The following POT1 variants were observed in gnomAD, a reference collection of about 807,000 sequenced individuals.
The protein encoded by POT1 is protection of telomeres 1.
Under a neutral mutation model 78.5 loss-of-function variants are expected in POT1, and 47 were observed. That is an observed-to-expected ratio of 0.60 (90% CI 0.47 to 0.76). POT1 has a LOEUF of 0.76. POT1 is among the 30% of genes least tolerant of loss of function. The pLI is 0.00. For missense variants in POT1, 646 were observed against 749.9 expected, an observed-to-expected ratio of 0.86 and a Z score of 1.62; for synonymous variants, 259 against 260.7, an observed-to-expected ratio of 0.99 and a Z score of 0.06.
chr7:124,827,163 T>G, intron 17 of POT1, 51 bp downstream of exon 17: 1 of 1,112,744 alleles, frequency 9.0e-7, no homozygotes, highest in Non-Finnish European at 1.2e-6. Flanking sequence ...TATTCAATTT[T>G]TTAAATATTA....
chr7:124,826,158 C>G (rs1004174216), intron 17 of POT1, among the ~76,000 whole-genome samples: 2 of 152,134 alleles, frequency 1.3e-5, no homozygotes, highest in African/African-American at 4.8e-5. Context: ...TCAACCATAC[C>G]TACGTGATAG....
chr7:124,886,138 A>G (rs1796238680), intron 6 of POT1, among the ~76,000 whole-genome samples: 1 of 152,190 alleles, frequency 6.6e-6, no homozygotes, highest in Admixed American at 6.5e-5. Flanking sequence ...AAAGATGCCA[A>G]ATTGCTAATT....
chr7:124,825,891 A>G (rs1299332393), intron 17 of POT1, among the ~76,000 whole-genome samples: 1 of 152,144 alleles, frequency 6.6e-6, no homozygotes, highest in Non-Finnish European at 1.5e-5. Context: ...TCTCCTCTCA[A>G]CTATAACTCA....
chr7:124,906,387 G>A (rs1411731976), intron 3 of POT1, among the ~76,000 whole-genome samples: 1 of 151,292 alleles, frequency 6.6e-6, no homozygotes, highest in Non-Finnish European at 1.5e-5. Context: ...ACTATTGCAA[G>A]GACAGAAAAC....
intron 16 of POT1, among the ~76,000 whole-genome samples, chr7:124,828,647 G>T (rs1296274896): frequency 6.6e-6 from 1 of 151,978 alleles, no homozygotes; most frequent in Middle Eastern, 3.2e-3. Flanking sequence ...TAAAAACAAA[G>T]ATATTACATT....
At chr7:124,928,111 TTTAGTTATTATTA>T (rs956336975) in intron 2 of POT1, among the ~76,000 whole-genome samples, 11 of 152,202 alleles carry the variant, frequency 7.2e-5, no homozygotes, top group Admixed American at 1.3e-4. Context: ...GAATGTTAAC[TTTAGTTATTATTA>T]TTACTATCTT....
rs1280875546 is a variant in POT1 at position 124,883,474 on chromosome 7, A to G, written c.124+8792T>C. On this transcript the variant is annotated intron_variant, in intron 6 of 18. Transcript: ENST00000357628. Reference sequence around the variant, plus strand: ...TCCCATGTCATATTATCTGGCATATAGAAAATAAATAAGCAGTTTGCTGAA... The same window carrying G: ...TCCCATGTCATATTATCTGGCATATGGAAAATAAATAAGCAGTTTGCTGAA... Among the ~76,000 whole-genome samples, 4 of 152,288 alleles carry G rather than the reference A, an allele frequency of 2.6e-5. No individual in the cohort carries two copies. The East Asian group carries it at 5.8e-4, about 22-fold the overall frequency.
intron 9 of POT1, among the ~76,000 whole-genome samples, chr7:124,854,459 A>C (rs973151832): frequency 7.9e-5 from 12 of 151,954 alleles, no homozygotes; most frequent in Admixed American, 5.2e-4. Flanking sequence ...AAAGATGAGT[A>C]GCAAATCAAC....
At chr7:124,911,951 T>A (rs1441572601) in intron 3 of POT1, among the ~76,000 whole-genome samples, 1 of 152,082 alleles carries the variant, frequency 6.6e-6, no homozygotes, top group African/African-American at 2.4e-5. Flanking sequence ...CCAAAACCCT[T>A]ATTTTATATT....
chr7:124,827,584 C>T (rs1794662862), intron 16 of POT1, among the ~76,000 whole-genome samples: 1 of 152,066 alleles, frequency 6.6e-6, no homozygotes, highest in Non-Finnish European at 1.5e-5. Context: ...GCTGTGGTGG[C>T]AGAGCAGAGG....
chr7:124,900,818 C>T (rs7782354), intron 3 of POT1: 213,514 of 376,054 alleles, frequency 0.57, 61,647 homozygotes, highest in African/African-American at 0.64. Context: ...GCTTTTCCAA[C>T]GGTCTTAGCA....
At chr7:124,884,142 T>C (rs917879821) in intron 6 of POT1, among the ~76,000 whole-genome samples, 9 of 152,244 alleles carry the variant, frequency 5.9e-5, no homozygotes, top group Non-Finnish European at 1.3e-4. Flanking sequence ...ACACTACATG[T>C]ACATGACATG....
chr7:124,834,271 A>G (rs1490725143), intron 15 of POT1, among the ~76,000 whole-genome samples: 1 of 152,164 alleles, frequency 6.6e-6, no homozygotes, highest in African/African-American at 2.4e-5. Flanking sequence ...TAATTAAACT[A>G]AAGAGCTTCT....
intron 6 of POT1, among the ~76,000 whole-genome samples, chr7:124,877,467 A>T (rs1385529106): frequency 6.6e-6 from 1 of 152,044 alleles, no homozygotes; most frequent in Non-Finnish European, 1.5e-5. Flanking sequence ...ATAGATAGAG[A>T]GCAGGCCTAG....
chr7:124,827,793 G>A (rs1732465144), intron 16 of POT1, among the ~76,000 whole-genome samples: 1 of 152,134 alleles, frequency 6.6e-6, no homozygotes, highest in African/African-American at 2.4e-5. Flanking sequence ...GGAGGCTGAG[G>A]TGGGCAGATC....
chr7:124,916,071 A>G (rs1563021608), intron 2 of POT1, among the ~76,000 whole-genome samples: 1 of 152,194 alleles, frequency 6.6e-6, no homozygotes, highest in Non-Finnish European at 1.5e-5. Context: ...ACAGATTAAG[A>G]CACAAGTACA....
intron 6 of POT1, among the ~76,000 whole-genome samples, chr7:124,883,106 G>C (rs1423784527): frequency 1.3e-5 from 2 of 151,948 alleles, no homozygotes; most frequent in Non-Finnish European, 2.9e-5. Flanking sequence ...TTAAGCATCT[G>C]GGAAGAGTCT....
At chr7:124,861,737 G>A (rs1048058491) in intron 8 of POT1, among the ~76,000 whole-genome samples, 1 of 152,088 alleles carries the variant, frequency 6.6e-6, no homozygotes, top group Non-Finnish European at 1.5e-5. Context: ...ATGGTTTTAG[G>A]GCTTATGTTT....
chr7:124,853,199 T>G, intron 9 of POT1, 61 bp from the exon 10 acceptor site: 2 of 1,301,324 alleles, frequency 1.5e-6, no homozygotes, highest in Non-Finnish European at 2.1e-6. Context: ...TTCTGATATT[T>G]AAAACTTTAA....
Sources: gnomAD v4.1 joint callset for allele counts (sites outside exome capture counted in the v4.1 genomes callset) on GRCh38, gnomAD v4.1.1 for gene constraint, MANE v1.5 for transcripts, NCBI Gene and HGNC (gene_info 2026-07-23, HGNC 2026-07-21) for gene names.